YEATS2: variants seen among roughly 807,000 people sequenced by gnomAD.
YEATS2 encodes YEATS domain-containing protein 2.
Under a neutral mutation model 163.2 loss-of-function variants are expected in YEATS2, and 77 were observed. That is an observed-to-expected ratio of 0.47 (90% CI 0.39 to 0.57). The LOEUF (loss-of-function observed/expected upper bound fraction) is 0.57. Ranked by LOEUF, YEATS2 falls within the 20% of genes least tolerant of loss-of-function variation. The pLI, the probability that YEATS2 is intolerant of heterozygous loss-of-function variation, is 0.00. For synonymous variants in YEATS2, 631 were observed against 645.1 expected, an observed-to-expected ratio of 0.98 and a Z score of 0.33; for missense variants, 1,549 against 1,729.8, an observed-to-expected ratio of 0.90 and a Z score of 1.85.
intron 19 of YEATS2, among the ~76,000 whole-genome samples, chr3:183,785,138 C>G (rs774732526): frequency 6.6e-6 from 1 of 151,930 alleles, no homozygotes; most frequent in Admixed American, 6.6e-5. Context: ...TTGTATCCAG[C>G]CTGGGCAACA....
intron 20 of YEATS2, among the ~76,000 whole-genome samples, chr3:183,790,442 A>G (rs1724509555): frequency 6.6e-6 from 1 of 152,156 alleles, no homozygotes; most frequent in South Asian, 2.1e-4. Flanking sequence ...TGTGTTCTTA[A>G]TAAAGCTCAT....
At chr3:183,713,093 A>G (rs1057334560) in intron 1 of YEATS2, among the ~76,000 whole-genome samples, 1 of 152,176 alleles carries the variant, frequency 6.6e-6, no homozygotes, top group Non-Finnish European at 1.5e-5. Context: ...ACAAATTAAG[A>G]TGTCCTGTAA....
intron 7 of YEATS2, among the ~76,000 whole-genome samples, chr3:183,730,052 GTTTTTTTTTTTTTTTTTTT>G (rs869091775): frequency 7.7e-4 from 32 of 41,716 alleles, no homozygotes; most frequent in African/African-American, 2.0e-3. Context: ...TTTTTTGTTT[GTTTTTTTTTTTTTTTTTTT>G]TTTTTTTTTT....
chr3:183,725,504 A>G (rs993569837), intron 6 of YEATS2, among the ~76,000 whole-genome samples: 1 of 152,254 alleles, frequency 6.6e-6, no homozygotes, highest in Non-Finnish European at 1.5e-5. Flanking sequence ...ATGGCTAGGG[A>G]GGCCTCACAA....
At chr3:183,722,202 G>T in intron 5 of YEATS2, 66 bp downstream of exon 5, 1 of 1,520,660 alleles carries the variant, frequency 6.6e-7, no homozygotes, top group Non-Finnish European at 8.9e-7. Context: ...TAAAGTATGC[G>T]CTTGTTATCT....
chr3:183,762,339 T>G (rs575500303), intron 15 of YEATS2, 60 bp downstream of exon 15: 1 of 1,508,486 alleles, frequency 6.6e-7, no homozygotes, highest in Admixed American at 2.1e-5. Flanking sequence ...GCCTAAATAA[T>G]TGACAAGTGC....
chr3:183,772,980 TAAC>T (rs923627595), intron 16 of YEATS2, among the ~76,000 whole-genome samples: 3 of 152,192 alleles, frequency 2.0e-5, no homozygotes, highest in African/African-American at 7.2e-5. Context: ...TAATACCTAA[TAAC>T]AATGTAAATA....
At chr3:183,809,384 A>G (rs760481751) in intron 30 of YEATS2, 17 of 508,954 alleles carry the variant, frequency 3.3e-5, no homozygotes, top group Admixed American at 1.0e-4. Context: ...TCAGAGGTTT[A>G]TATCCTCCTC....
At chr3:183,808,144 G>A in intron 29 of YEATS2, 40 bp downstream of exon 29, 2 of 1,528,094 alleles carry the variant, frequency 1.3e-6, no homozygotes, top group Non-Finnish European at 1.8e-6. Context: ...AAGGATGGTT[G>A]CATCCCAGGC....
intron 1 of YEATS2, among the ~76,000 whole-genome samples, chr3:183,704,249 C>T (rs532913427): frequency 6.6e-6 from 1 of 151,604 alleles, no homozygotes; most frequent in African/African-American, 2.4e-5. Context: ...AGGATTTAGC[C>T]TTTGTTCGTT....
chr3:183,788,120 G>A (rs1000183048), intron 20 of YEATS2, among the ~76,000 whole-genome samples: 7 of 152,052 alleles, frequency 4.6e-5, no homozygotes, highest in Admixed American at 2.0e-4. Flanking sequence ...GGTAATTGGG[G>A]TATCTGTCAC....
At chr3:183,740,559 A>C (rs1477356763) in intron 8 of YEATS2, among the ~76,000 whole-genome samples, 6 of 152,248 alleles carry the variant, frequency 3.9e-5, no homozygotes, top group Non-Finnish European at 8.8e-5. Flanking sequence ...CATTCCCTTA[A>C]GCCAAATGCT....
At chr3:183,755,120 AT>A (rs1160840439) in intron 11 of YEATS2, among the ~76,000 whole-genome samples, 8 of 149,406 alleles carry the variant, frequency 5.4e-5, no homozygotes, top group Admixed American at 2.0e-4. Context: ...TTGGTAGGCA[AT>A]TTTTTTTTTT....
At chr3:183,702,834 A>T (rs535432643) in intron 1 of YEATS2, among the ~76,000 whole-genome samples, 32 of 91,562 alleles carry the variant, frequency 3.5e-4, no homozygotes, top group African/African-American at 1.1e-3. Flanking sequence ...TCTCTCTCTC[A>T]AAAAAAAAAA....
At chr3:183,802,863 G>A (rs1180786462) in intron 25 of YEATS2, 2 of 159,626 alleles carry the variant, frequency 1.3e-5, no homozygotes, top group African/African-American at 4.8e-5. Flanking sequence ...CTGGGAGGCA[G>A]AGGTTGCAGT....
chr3:183,725,906 A>C (rs191813153), intron 6 of YEATS2, among the ~76,000 whole-genome samples: 1 of 152,188 alleles, frequency 6.6e-6, no homozygotes, highest in Non-Finnish European at 1.5e-5. Context: ...TTCTTCTTCA[A>C]AATCTTACTT....
chr3:183,735,761 A>G (rs992211081), intron 7 of YEATS2, among the ~76,000 whole-genome samples: 2 of 151,622 alleles, frequency 1.3e-5, no homozygotes, highest in South Asian at 4.2e-4. Context: ...ATCTCAGCTC[A>G]CTGCTGCCTC....
At position 183,785,697 on chromosome 3, in the gene YEATS2, G is replaced by T. The variant is rs1368766186; in HGVS notation, c.2737-428G>T. Among the ~76,000 whole-genome samples the T allele has an allele frequency of 7.2e-5, 11 of 152,028 alleles. 1 individual carries two copies. The highest frequency in any genetic ancestry group is 7.2e-4 in the Admixed American group (11 of 15,248). On this transcript the variant is annotated intron_variant, in intron 19 of 30. Coordinates refer to ENST00000305135, the MANE Select transcript of YEATS2 (RefSeq NM_018023.5). ...AATAAAAAATATGTAATTTGTAAAT[G>T]GTTCTCCAGTACTAAAATGCTAAGC...
intron 7 of YEATS2, among the ~76,000 whole-genome samples, chr3:183,730,582 T>A (rs1717680865): frequency 6.6e-6 from 1 of 152,158 alleles, no homozygotes; most frequent in Admixed American, 6.5e-5. Context: ...GTGGATGTCT[T>A]CCTTGATCAC....
Sources: allele counts gnomAD v4.1 joint callset (sites outside exome capture counted in the v4.1 genomes callset), GRCh38; gene constraint gnomAD v4.1.1; transcripts MANE v1.5; gene names NCBI Gene and HGNC (gene_info 2026-07-23, HGNC 2026-07-21).